The following ANKRD31 variants were observed in gnomAD, a reference collection of about 807,000 sequenced individuals.
ANKRD31 encodes the protein ankyrin repeat domain-containing protein 31.
ANKRD31 carries 147 observed loss-of-function variants against 186.0 expected under a neutral mutation model. The observed-to-expected ratio is 0.79, with a 90% confidence interval of 0.69 to 0.91. The LOEUF (loss-of-function observed/expected upper bound fraction) is 0.91. Among genes scored for constraint, ANKRD31 ranks in the 40% least tolerant of loss-of-function variants. ANKRD31 has a pLI of 0.00. For synonymous variants in ANKRD31, 673 were observed against 736.4 expected, an observed-to-expected ratio of 0.91 and a Z score of 1.39; for missense variants, 1,986 against 2,148.8, an observed-to-expected ratio of 0.92 and a Z score of 1.50.
At chr5:75,115,033 C>T (rs1748099805) in intron 19 of ANKRD31, among the ~76,000 whole-genome samples, 1 of 152,136 alleles carries the variant, frequency 6.6e-6, no homozygotes, top group East Asian at 1.9e-4. Flanking sequence ...GTAACCAAAA[C>T]AGCATGGTAT....
rs1751259237 is a variant in ANKRD31, at chr5:75,144,190, A to C, written c.3425-19T>G. On this transcript the variant is annotated intron_variant, in intron 14 of 25. Transcript: ENST00000506364. ...TCCTCATCTGAAACAAACATTTTAC[A>C]ATATCAGTGTTGTTGTTCTCCTACC... 1 of 396,554 alleles carries C rather than the reference A, an allele frequency of 2.5e-6. No individual in the cohort carries two copies. The allele number at this position is 396,554 out of a possible 1,614,324, so 24.6% of individuals were successfully genotyped here.
intron 24 of ANKRD31, among the ~76,000 whole-genome samples, chr5:75,081,644 TC>T (rs1387465424): frequency 6.6e-6 from 1 of 151,828 alleles, no homozygotes; most frequent in Non-Finnish European, 1.5e-5. Context: ...TGTTTGGTTT[TC>T]CTTCAAGTGT....
intron 25 of ANKRD31, among the ~76,000 whole-genome samples, chr5:75,073,029 A>G (rs539584364): frequency 1.0e-3 from 158 of 152,282 alleles, no homozygotes; most frequent in Non-Finnish European, 2.0e-3. Flanking sequence ...TCCTCTTGAG[A>G]TGATGCAGCC....
intron 22 of ANKRD31, among the ~76,000 whole-genome samples, chr5:75,094,010 T>C (rs1030140266): frequency 6.6e-6 from 1 of 152,214 alleles, no homozygotes; most frequent in Non-Finnish European, 1.5e-5. Context: ...ACAGTATAAA[T>C]GCATATTTCT....
intron 11 of ANKRD31, among the ~76,000 whole-genome samples, chr5:75,161,126 G>A (rs1561489987): frequency 6.6e-6 from 1 of 152,140 alleles, no homozygotes; most frequent in African/African-American, 2.4e-5. Context: ...GCAGAGGGTG[G>A]TACAGTTCGG....
chr5:75,092,304 A>G (rs1745980130), intron 22 of ANKRD31, among the ~76,000 whole-genome samples: 1 of 152,208 alleles, frequency 6.6e-6, no homozygotes, highest in Non-Finnish European at 1.5e-5. Flanking sequence ...GACAACTGGG[A>G]AAAGAGCTGG....
intron 22 of ANKRD31, among the ~76,000 whole-genome samples, chr5:75,097,085 G>C (rs1043701326): frequency 3.3e-5 from 5 of 152,122 alleles, no homozygotes; most frequent in South Asian, 4.1e-4. Flanking sequence ...TTAGTTCCAA[G>C]TCTTTGCTAT....
rs935491509 is a variant in ANKRD31 at position 75,214,566 on chromosome 5, T to C, written c.289-3701A>G. The stretch of plus-strand genomic sequence containing the variant: ...GACCATGCAGTGCATAATCTCTCCA[T>C]GAGCTCTGGCCTTGCCAGCCCTGAT... On this transcript the variant is annotated intron_variant, in intron 3 of 25. Transcript: ENST00000506364. Among the ~76,000 whole-genome samples the C allele has an allele frequency of 5.9e-5, 9 of 152,328 alleles. 1 individual carries two copies. In the South Asian group the frequency reaches 1.5e-3, roughly 25 times the overall value.
At chr5:75,225,966 C>G (rs1757600430) in intron 2 of ANKRD31, among the ~76,000 whole-genome samples, 1 of 152,154 alleles carries the variant, frequency 6.6e-6, no homozygotes, top group Admixed American at 6.5e-5. Flanking sequence ...ATAGCATTCA[C>G]CACAAGCTGA....
chr5:75,147,213 G>A lies in ANKRD31; in HGVS notation c.2198C>T (p.Thr733Ile), dbSNP rs1751511824. The change falls in exon 14 of 26, where the codon ACA (threonine) becomes ATA (isoleucine). Residue 733 changes from threonine to isoleucine, a missense_variant. By Grantham distance (89) the Thr-to-Ile change is moderately conservative. Transcript: ENST00000506364. ...NVPKGIGRRK[T>I]QHKRTQVDDV... ...ATCTACTTGGGTCCTTTTATGTTGT[G>A]TTTTTCTTCTTCCTATACCTTTTGG... 2 of 1,536,038 alleles carry A rather than the reference G, an allele frequency of 1.3e-6. No homozygotes were observed. The highest frequency in any genetic ancestry group is 2.4e-5 in the East Asian group (1 of 40,890).
At chr5:75,170,226 T>C (rs1477514855) in intron 10 of ANKRD31, among the ~76,000 whole-genome samples, 1 of 152,120 alleles carries the variant, frequency 6.6e-6, no homozygotes, top group East Asian at 1.9e-4. Context: ...TCATATTTCA[T>C]ATGAAGTATT....
chr5:75,102,496 C>T (rs1746984758), intron 22 of ANKRD31, among the ~76,000 whole-genome samples: 1 of 152,252 alleles, frequency 6.6e-6, no homozygotes, highest in Admixed American at 6.5e-5. Context: ...GAAGTTTCTG[C>T]TGCTGTTTGT....
chr5:75,208,050 A>C (rs1011270523), intron 4 of ANKRD31, among the ~76,000 whole-genome samples: 1 of 152,140 alleles, frequency 6.6e-6, no homozygotes, highest in African/African-American at 2.4e-5. Context: ...TTTTTATGAA[A>C]AATTATCTTT....
At chr5:75,212,680 G>T (rs1408540860) in intron 3 of ANKRD31, among the ~76,000 whole-genome samples, 1 of 152,122 alleles carries the variant, frequency 6.6e-6, no homozygotes. Context: ...TGAAGTTGTT[G>T]TGTCCCTTTC....
At chr5:75,131,513 G>A (rs1749833859) in intron 17 of ANKRD31, among the ~76,000 whole-genome samples, 1 of 152,194 alleles carries the variant, frequency 6.6e-6, no homozygotes, top group Non-Finnish European at 1.5e-5. Context: ...GCAGCGGGGA[G>A]GCTCAAAATT....
At chr5:75,117,201 G>T (rs1178442487) in intron 18 of ANKRD31, among the ~76,000 whole-genome samples, 1 of 151,958 alleles carries the variant, frequency 6.6e-6, no homozygotes, top group Non-Finnish European at 1.5e-5. Context: ...TAGATATGTG[G>T]GAATAGATCT....
At chr5:75,163,213 T>C (rs1752689103) in intron 11 of ANKRD31, among the ~76,000 whole-genome samples, 1 of 152,174 alleles carries the variant, frequency 6.6e-6, no homozygotes, top group Non-Finnish European at 1.5e-5. Flanking sequence ...CCAGCAGTAT[T>C]TAGAATTTTG....
chr5:75,136,763 C>A (rs1750612033), intron 17 of ANKRD31, among the ~76,000 whole-genome samples: 1 of 152,240 alleles, frequency 6.6e-6, no homozygotes, highest in East Asian at 1.9e-4. Flanking sequence ...TGGAACCAAC[C>A]CAAATGTCCA....
Position 75,118,247 on chromosome 5 carries a change from T to C in ANKRD31, c.3927A>G (p.Gln1309=), listed in dbSNP as rs757822044. 1.3e-5 allele frequency: 19 copies of C among 1,519,852 alleles called. No homozygotes were observed. Among genetic ancestry groups the C allele is most frequent in the South Asian group, 1.0e-4 (8 of 79,768 alleles). The allele number at this position is 1,519,852 out of a possible 1,614,324, so 94.1% of individuals were successfully genotyped here. Reference sequence around the variant, plus strand: ...CTTCATCCAAAGCACTCTTCTGTTTTTGATCTTTTTGATTAGGGTTTGCTC... The same window carrying C: ...CTTCATCCAAAGCACTCTTCTGTTTCTGATCTTTTTGATTAGGGTTTGCTC... ...QNGANPNQKD[Q]KQKSALDEAD... is the part of the protein sequence containing the mutation. Residue 1309 remains glutamine (Q), a synonymous_variant, in exon 18 of 26, where the codon CAA becomes CAG. Coordinates refer to ENST00000506364, the MANE Select transcript of ANKRD31 (RefSeq NM_001372053.1).
Sources: allele counts gnomAD v4.1 joint callset (sites outside exome capture counted in the v4.1 genomes callset), GRCh38; gene constraint gnomAD v4.1.1; transcripts MANE v1.5; gene names NCBI Gene and HGNC (gene_info 2026-07-23, HGNC 2026-07-21).